The following SIPA1L2 variants were observed in gnomAD, a reference collection of about 807,000 sequenced individuals.
The protein encoded by SIPA1L2 is signal-induced proliferation-associated 1-like protein 2.
A neutral mutation model predicts 163.9 loss-of-function variants in SIPA1L2; 56 were observed. The ratio of observed to expected loss-of-function variants is 0.34; its 90% CI spans 0.28 to 0.43. The LOEUF (loss-of-function observed/expected upper bound fraction) is 0.43, where lower values mean the gene tolerates loss of function less well. SIPA1L2 is among the 20% of genes least tolerant of loss of function. The pLI is 1.00. For missense variants in SIPA1L2, 1,974 were observed against 2,193.5 expected, an observed-to-expected ratio of 0.90 and a Z score of 2.00; for synonymous variants, 877 against 865.7, an observed-to-expected ratio of 1.01 and a Z score of -0.23.
rs148043691 is a variant in SIPA1L2, at chr1:232,434,719, A to C, written c.4032-2248T>G. On this transcript the variant is annotated intron_variant, in intron 15 of 22. Transcript: ENST00000674635. ...TGACGCCCTGTATGTTATTTTCCCA[A>C]GTGTATTTTGAAAAATTTCAGAGCT... Among the ~76,000 whole-genome samples the C allele has an allele frequency of 1.6e-3, 248 of 152,286 alleles. 11 individuals carry two copies. The highest frequency in any genetic ancestry group is 0.015 in the Admixed American group (225 of 15,290).
At chr1:232,562,542 G>A (rs1305795495) in intron 2 of SIPA1L2, among the ~76,000 whole-genome samples, 1 of 152,114 alleles carries the variant, frequency 6.6e-6, no homozygotes, top group Non-Finnish European at 1.5e-5. Context: ...CACATTAAAG[G>A]CATCACATTA....
At chr1:232,475,284 G>A (rs993455926) in intron 7 of SIPA1L2, among the ~76,000 whole-genome samples, 1 of 152,124 alleles carries the variant, frequency 6.6e-6, no homozygotes, top group African/African-American at 2.4e-5. Context: ...CCCACCCAAG[G>A]AACTTTGCAG....
chr1:232,442,509 T>C (rs1404137442), intron 12 of SIPA1L2, among the ~76,000 whole-genome samples: 10 of 147,750 alleles, frequency 6.8e-5, no homozygotes, highest in African/African-American at 2.0e-4. Context: ...GATCATGCCA[T>C]TGCACTCCAG....
intron 7 of SIPA1L2, among the ~76,000 whole-genome samples, chr1:232,474,599 C>A (rs61823599): frequency 6.6e-6 from 1 of 151,988 alleles, no homozygotes; most frequent in African/African-American, 2.4e-5. Flanking sequence ...TATTTCAAAG[C>A]AGCTGCAAAA....
At chr1:232,489,240 T>TTTTCAACAA (rs1329604723) in intron 5 of SIPA1L2, among the ~76,000 whole-genome samples, 5 of 152,210 alleles carry the variant, frequency 3.3e-5, no homozygotes, top group African/African-American at 7.2e-5. Flanking sequence ...TCACCAACTC[T>TTTTCAACAA]CTTACAACAT....
At position 232,612,550 on chromosome 1, in the gene SIPA1L2, G is replaced by A. The variant is rs536296415; in HGVS notation, c.-319+17319C>T. Among the ~76,000 whole-genome samples the A allele has an allele frequency of 9.5e-4, 145 of 152,334 alleles. 2 individuals carry two copies. Among genetic ancestry groups the A allele is most frequent in the African/African-American group, 3.2e-3 (133 of 41,574 alleles). On this transcript the variant is annotated intron_variant, in intron 1 of 22. Transcript: ENST00000674635. ...TGGAGTCAAAGGAGATCATTTTGGA[G>A]TTTTAACATTTGACTGCCCCGCTGA...
intron 16 of SIPA1L2, among the ~76,000 whole-genome samples, chr1:232,431,846 A>T (rs941075385): frequency 5.9e-5 from 9 of 152,342 alleles, no homozygotes; most frequent in Middle Eastern, 6.8e-3. Context: ...ATTGGAAGTC[A>T]TGCTAAAATT....
intron 1 of SIPA1L2, among the ~76,000 whole-genome samples, chr1:232,618,141 T>G (rs748433648): frequency 3.3e-5 from 5 of 152,228 alleles, no homozygotes; most frequent in Non-Finnish European, 5.9e-5. Context: ...GTGATTACAC[T>G]GAGATTTACT....
chr1:232,471,236 T>C (rs1664781422), intron 8 of SIPA1L2, 135 bp downstream of exon 8: 1 of 957,546 alleles, frequency 1.0e-6, no homozygotes, highest in South Asian at 1.6e-5. Context: ...GGCAATTATT[T>C]CTTACAGAAA....
At position 232,483,782 on chromosome 1, in the gene SIPA1L2, T is replaced by C; in HGVS notation, c.1981+10A>G. ...TTAAAAATGTGCACACACACAAACA[T>C]TAAACTTACTCTTATTGTCTAGCTG... On this transcript the variant is annotated intron_variant, in intron 6 of 22. Transcript: ENST00000674635. 6.2e-7 allele frequency: 1 copy of C among 1,613,678 alleles called. No homozygotes were observed. Among genetic ancestry groups the C allele is most frequent in the Non-Finnish European group, 8.5e-7 (1 of 1,179,766 alleles).
rs1368895098 is a variant in SIPA1L2 at position 232,432,285 on chromosome 1, G to T, written c.4218C>A (p.Ser1406Arg). ...TCACTTCAGGCTCCTCGGGCGGTGGGCTGCCCTCCGATTTCTTCCAGCCGA... is the reference window on the plus strand; with the variant it reads ...TCACTTCAGGCTCCTCGGGCGGTGGTCTGCCCTCCGATTTCTTCCAGCCGA... The part of the protein sequence containing the change: ...YVIGWKKSEG[S>R]PPPEEPEVTE... The change falls in exon 16 of 23, where the codon AGC becomes AGA. Residue 1406 changes from serine (S) to arginine (R), a missense_variant. Coordinates refer to ENST00000674635, the MANE Select transcript of SIPA1L2 (RefSeq NM_020808.5). The T allele has an allele frequency of 1.3e-5, 21 of 1,613,924 alleles. No individual in the cohort carries two copies. The highest frequency in any genetic ancestry group is 1.7e-5 in the Non-Finnish European group (20 of 1,180,040).
chr1:232,454,017 A>G (rs547344298), intron 10 of SIPA1L2, among the ~76,000 whole-genome samples: 1 of 152,076 alleles, frequency 6.6e-6, no homozygotes, highest in South Asian at 2.1e-4. Context: ...ACAAGGTGAC[A>G]GGGGTAATTG....
At chr1:232,491,910 A>G (rs1001105612) in intron 4 of SIPA1L2, among the ~76,000 whole-genome samples, 2 of 152,238 alleles carry the variant, frequency 1.3e-5, no homozygotes, top group African/African-American at 4.8e-5. Context: ...GCCCCTAGCC[A>G]CATCAACTAT....
At chr1:232,519,084 T>C (rs1667340446) in intron 2 of SIPA1L2, among the ~76,000 whole-genome samples, 1 of 152,152 alleles carries the variant, frequency 6.6e-6, no homozygotes, top group African/African-American at 2.4e-5. Flanking sequence ...CATGCCATTT[T>C]CCCAAATCCT....
At chr1:232,625,987 G>A (rs147278777) in intron 1 of SIPA1L2, among the ~76,000 whole-genome samples, 12 of 152,210 alleles carry the variant, frequency 7.9e-5, no homozygotes, top group African/African-American at 2.7e-4. Context: ...GTCTGTGTGG[G>A]GATAGATATA....
At chr1:232,413,895 C>T (rs912945062) in intron 19 of SIPA1L2, among the ~76,000 whole-genome samples, 4 of 152,120 alleles carry the variant, frequency 2.6e-5, no homozygotes, top group African/African-American at 9.7e-5. Context: ...GTGTAAAGAA[C>T]ACCCCAGGGA....
intron 1 of SIPA1L2, among the ~76,000 whole-genome samples, chr1:232,579,137 C>T (rs1660232625): frequency 6.6e-6 from 1 of 152,162 alleles, no homozygotes; most frequent in Non-Finnish European, 1.5e-5. Context: ...TTCTTACCAG[C>T]AGGTTCATCA....
intron 3 of SIPA1L2, among the ~76,000 whole-genome samples, chr1:232,498,253 A>C (rs1184484599): frequency 1.3e-5 from 2 of 152,224 alleles, no homozygotes; most frequent in Non-Finnish European, 2.9e-5. Flanking sequence ...GAATATCGAA[A>C]TAAAAACAAG....
At chr1:232,431,844 TC>T (rs1316437081) in intron 16 of SIPA1L2, among the ~76,000 whole-genome samples, 9 of 152,326 alleles carry the variant, frequency 5.9e-5, no homozygotes, top group Middle Eastern at 6.8e-3. Flanking sequence ...AAATTGGAAG[TC>T]ATGCTAAAAT....
Sources: allele counts gnomAD v4.1 joint callset (sites outside exome capture counted in the v4.1 genomes callset), GRCh38; gene constraint gnomAD v4.1.1; transcripts MANE v1.5; gene names NCBI Gene and HGNC (gene_info 2026-07-23, HGNC 2026-07-21).